Variants in SLC25A26 observed in about 807,000 individuals in gnomAD.
SLC25A26 encodes mitochondrial S-adenosylmethionine carrier protein.
A neutral mutation model predicts 37.8 loss-of-function variants in SLC25A26; 36 were observed. The ratio of observed to expected loss-of-function variants is 0.95; its 90% CI spans 0.73 to 1.26. SLC25A26 has a LOEUF of 1.26. Among genes scored for constraint, SLC25A26 ranks in the 50% most tolerant of loss-of-function variants. The probability of loss-of-function intolerance (pLI) is 0.00; values close to 1 mark genes in which losing one functional copy is unlikely to be tolerated. For synonymous variants in SLC25A26, 129 were observed against 122.5 expected, an observed-to-expected ratio of 1.05 and a Z score of -0.35; for missense variants, 390 against 331.1, an observed-to-expected ratio of 1.18 and a Z score of -1.38.
intron 3 of SLC25A26, among the ~76,000 whole-genome samples, chr3:66,255,928 A>AT (rs915927977): frequency 2.4e-4 from 36 of 152,230 alleles, no homozygotes; most frequent in African/African-American, 7.9e-4. Context: ...AGTTAGATTG[A>AT]TTTTTTATCG....
intron 5 of SLC25A26, among the ~76,000 whole-genome samples, chr3:66,323,189 A>G (rs13434228): frequency 0.18 from 27,705 of 152,018 alleles, 2,686 homozygotes; most frequent in African/African-American, 0.21. Context: ...GGGTGGGGCA[A>G]TGGAAGGGGT....
intron 5 of SLC25A26, among the ~76,000 whole-genome samples, chr3:66,276,475 AGT>A (rs1362736122): frequency 6.6e-6 from 1 of 152,092 alleles, no homozygotes; most frequent in Admixed American, 6.6e-5. Context: ...ACAATTTCTG[AGT>A]GTTAGAGGAT....
intron 1 of SLC25A26, among the ~76,000 whole-genome samples, chr3:66,200,825 G>A (rs2071099152): frequency 6.6e-6 from 1 of 152,122 alleles, no homozygotes. Flanking sequence ...AGTTCATGTT[G>A]GATAAGGTTT....
chr3:66,174,197 ATAGT>A, intron 1 of SLC25A26, among the ~76,000 whole-genome samples: 1 of 152,204 alleles, frequency 6.6e-6, no homozygotes, highest in East Asian at 1.9e-4. Context: ...TCTATGACAG[ATAGT>A]TCCTGAACAG....
At chr3:66,289,521 A>T (rs777073487) in intron 5 of SLC25A26, among the ~76,000 whole-genome samples, 43 of 152,176 alleles carry the variant, frequency 2.8e-4, no homozygotes, top group Non-Finnish European at 5.0e-4. Flanking sequence ...GAAGGGGTCC[A>T]TTTTGAGTTT....
intron 3 of SLC25A26, among the ~76,000 whole-genome samples, chr3:66,247,281 GCACA>G (rs1014191508): frequency 6.6e-6 from 1 of 150,730 alleles, no homozygotes; most frequent in East Asian, 1.9e-4. Context: ...ATATATATAT[GCACA>G]CACACACACA....
intron 1 of SLC25A26, among the ~76,000 whole-genome samples, chr3:66,222,184 T>TA (rs2071527453): frequency 6.9e-6 from 1 of 145,342 alleles, no homozygotes; most frequent in African/African-American, 2.6e-5. Context: ...TGTTACTGAT[T>TA]TTTTTTTTTT....
At chr3:66,229,548 C>T (rs899377211) in intron 1 of SLC25A26, among the ~76,000 whole-genome samples, 3 of 152,172 alleles carry the variant, frequency 2.0e-5, no homozygotes, top group Non-Finnish European at 1.5e-5. Flanking sequence ...TGTGTCCTGC[C>T]GCCCTGTGAA....
chr3:66,166,773 C>A (rs2070430359), intron 1 of SLC25A26, among the ~76,000 whole-genome samples: 1 of 152,138 alleles, frequency 6.6e-6, no homozygotes, highest in South Asian at 2.1e-4. Flanking sequence ...TGCCTGGCCA[C>A]TGGAATGGCC....
intron 6 of SLC25A26, among the ~76,000 whole-genome samples, chr3:66,351,258 A>G (rs2076446650): frequency 6.6e-6 from 1 of 152,204 alleles, no homozygotes; most frequent in African/African-American, 2.4e-5. Flanking sequence ...ACTGTGCTAC[A>G]TCATTTCCTT....
intron 1 of SLC25A26, among the ~76,000 whole-genome samples, chr3:66,208,680 A>C (rs1174916218): frequency 1.4e-5 from 2 of 145,624 alleles, no homozygotes; most frequent in African/African-American, 5.0e-5. Context: ...ATATATATAC[A>C]CATTTATATG....
chr3:66,271,613 T>A (rs957824762), intron 5 of SLC25A26, among the ~76,000 whole-genome samples: 2 of 152,128 alleles, frequency 1.3e-5, no homozygotes, highest in African/African-American at 4.8e-5. Flanking sequence ...AGCTTTTCAC[T>A]GTAGTAGATG....
chr3:66,153,131 C>A (rs1476323986), intron 1 of SLC25A26, among the ~76,000 whole-genome samples: 1 of 152,132 alleles, frequency 6.6e-6, no homozygotes, highest in Non-Finnish European at 1.5e-5. Context: ...ATGCTTGGAG[C>A]TATTTTTGGT....
At chr3:66,247,281 GCA>G (rs1014191508) in intron 3 of SLC25A26, among the ~76,000 whole-genome samples, 29 of 150,710 alleles carry the variant, frequency 1.9e-4, no homozygotes, top group Admixed American at 1.2e-3. Flanking sequence ...ATATATATAT[GCA>G]CACACACACA....
At chr3:66,205,143 A>G (rs2071160726) in intron 1 of SLC25A26, among the ~76,000 whole-genome samples, 1 of 152,230 alleles carries the variant, frequency 6.6e-6, no homozygotes, top group Admixed American at 6.5e-5. Flanking sequence ...AATGTGCAAC[A>G]AAAAGATTTT....
intron 1 of SLC25A26, among the ~76,000 whole-genome samples, chr3:66,174,788 C>T (rs1486731838): frequency 6.9e-6 from 1 of 144,638 alleles, no homozygotes; most frequent in South Asian, 2.2e-4. Flanking sequence ...TCCGAGACTC[C>T]GTCTCAAAAA....
rs142305951 is a variant in SLC25A26, at chr3:66,346,452, C to T, written c.498+44C>T. 44 of 1,065,436 alleles carry T rather than the reference C, an allele frequency of 4.1e-5. No individual in the cohort carries two copies. In the East Asian group the frequency reaches 1.2e-3, roughly 30 times the overall value. 66.0% of individuals were successfully genotyped at this position (1,065,436 alleles called of 1,614,324 possible). A position where few individuals can be genotyped will look rare whatever the true frequency, so the allele number is the denominator to read the frequency against. On this transcript the variant is annotated intron_variant, in intron 6 of 9. Transcript: ENST00000354883. ...ACATAAAATTTGTCTCTAATTATAA[C>T]ATACCTAATAGTTTGAGTGTGGAAG... is the stretch of plus-strand genomic sequence containing the variant.
intron 6 of SLC25A26, among the ~76,000 whole-genome samples, chr3:66,350,762 C>T (rs1426380497): frequency 6.6e-6 from 1 of 152,144 alleles, no homozygotes; most frequent in Non-Finnish European, 1.5e-5. Context: ...AATTCTTCCC[C>T]TCCAGCCAGA....
chr3:66,144,627 G>A (rs1559549315), intron 1 of SLC25A26, among the ~76,000 whole-genome samples: 1 of 152,128 alleles, frequency 6.6e-6, no homozygotes, highest in Non-Finnish European at 1.5e-5. Context: ...TGTCTACTGG[G>A]ATGTATGCAG....
Sources: allele counts gnomAD v4.1 joint callset (sites outside exome capture counted in the v4.1 genomes callset), GRCh38; gene constraint gnomAD v4.1.1; transcripts MANE v1.5; gene names NCBI Gene and HGNC (gene_info 2026-07-23, HGNC 2026-07-21).